RMDN2: variants seen among roughly 807,000 people sequenced by gnomAD.
The protein encoded by RMDN2 is regulator of microtubule dynamics protein 2.
In RMDN2, 61 loss-of-function variants were observed where a neutral mutation model predicts 52.8. The ratio of observed to expected loss-of-function variants is 1.16; its 90% confidence interval spans 0.94 to 1.43. RMDN2 has a LOEUF of 1.43. Ranked by LOEUF, RMDN2 falls within the 40% of genes most tolerant of loss-of-function variation. The pLI is 0.00. For synonymous variants in RMDN2, 180 were observed against 153.1 expected (o/e 1.18, Z -1.30); for missense variants, 592 against 475.3 (o/e 1.25, Z -2.28).
chr2:37,925,815 G>A (rs994686876), intron 1 of RMDN2, among the ~76,000 whole-genome samples: 3 of 152,174 alleles, frequency 2.0e-5, no homozygotes, highest in Non-Finnish European at 4.4e-5. Context: ...TCAGCCTTGC[G>A]CAAACATTTT....
At chr2:37,970,102 T>C (rs532127288) in intron 2 of RMDN2, among the ~76,000 whole-genome samples, 1 of 152,264 alleles carries the variant, frequency 6.6e-6, no homozygotes, top group South Asian at 2.1e-4. Context: ...CCAGCTAATT[T>C]TTTAATTTTT....
At chr2:37,989,188 C>G (rs534871308) in intron 5 of RMDN2, among the ~76,000 whole-genome samples, 4 of 152,024 alleles carry the variant, frequency 2.6e-5, no homozygotes, top group Admixed American at 1.3e-4. Flanking sequence ...TGTGATTAGA[C>G]TTTTTCTGAG....
chr2:37,958,043 T>C (rs1346825738), intron 2 of RMDN2, among the ~76,000 whole-genome samples: 1 of 152,228 alleles, frequency 6.6e-6, no homozygotes, highest in Non-Finnish European at 1.5e-5. Flanking sequence ...TTTTGGTTAC[T>C]GTAGCCTTGT....
At chr2:37,971,275 G>C (rs1289794940) in intron 2 of RMDN2, among the ~76,000 whole-genome samples, 1 of 152,126 alleles carries the variant, frequency 6.6e-6, no homozygotes, top group Admixed American at 6.5e-5. Context: ...GATAGGAAGT[G>C]AGAGTTCCTT....
At chr2:37,994,316 C>A (rs1675217479) in intron 7 of RMDN2, among the ~76,000 whole-genome samples, 1 of 152,190 alleles carries the variant, frequency 6.6e-6, no homozygotes, top group African/African-American at 2.4e-5. Context: ...TTCAGTGCTG[C>A]TTTCTGAAAA....
intron 6 of RMDN2, among the ~76,000 whole-genome samples, chr2:37,990,212 CT>C (rs1674591141): frequency 6.7e-6 from 1 of 150,118 alleles, no homozygotes; most frequent in African/African-American, 2.5e-5. Flanking sequence ...ATGAGTATCA[CT>C]TTTTCAAAGA....
Position 37,929,450 on chromosome 2 carries a change from T to A in RMDN2, c.173T>A (p.Ile58Lys). ...TFNSITLQDE[I>K]HDDQGTTVIF... ...AATTCAATAACTTTGCAAGATGAAA[T>A]ACATGATGACCAAGGAACAACAGTA... Residue 58 changes from isoleucine (I) to lysine (K), a missense_variant, in exon 2 of 11, where the codon ATA becomes AAA. Coordinates refer to ENST00000354545, the MANE Select transcript of RMDN2 (RefSeq NM_001170791.3). 6.4e-7 allele frequency: 1 copy of A among 1,551,676 alleles called. No individual in the cohort carries two copies. Among genetic ancestry groups the A allele is most frequent in the Non-Finnish European group, 8.7e-7 (1 of 1,146,956 alleles).
At chr2:37,994,652 A>G (rs1675264089) in intron 7 of RMDN2, among the ~76,000 whole-genome samples, 1 of 152,214 alleles carries the variant, frequency 6.6e-6, no homozygotes, top group Non-Finnish European at 1.5e-5. Context: ...AAAGACCGCT[A>G]TTTATTCACT....
chr2:37,984,079 C>T (rs927184586), intron 5 of RMDN2, among the ~76,000 whole-genome samples: 1 of 152,104 alleles, frequency 6.6e-6, no homozygotes, highest in African/African-American at 2.4e-5. Flanking sequence ...AAGATGTAAT[C>T]TTTAAGAATA....
At chr2:38,004,287 C>T (rs1472441431) in intron 10 of RMDN2, 71 bp downstream of exon 10, 35 of 961,964 alleles carry the variant, frequency 3.6e-5, no homozygotes, top group Middle Eastern at 2.1e-4. Flanking sequence ...AGGAATAACT[C>T]GCTTAGATAC....
chr2:37,922,626 G>A (rs904754779), upstream of RMDN2, among the ~76,000 whole-genome samples: 1 of 152,200 alleles, frequency 6.6e-6, no homozygotes, highest in East Asian at 1.9e-4. Flanking sequence ...CACAGTCACT[G>A]GCAAGCAGTA....
In RMDN2 at chr2:37,978,029, A is replaced by G. The variant is rs542686660; in HGVS notation, c.730+2715A>G. ...ACGCCACTGCACTCCAGCCTGGGCA[A>G]CATTGAGCACTGAGTGAGTGAGACT... On this transcript the variant is annotated intron_variant, in intron 4 of 10. Coordinates refer to ENST00000354545, the MANE Select transcript of RMDN2 (RefSeq NM_001170791.3). 7.2e-5 allele frequency among the ~76,000 whole-genome samples: 11 copies of G among 152,304 alleles called. No individual in the cohort carries two copies. The South Asian group carries it at 2.1e-3, about 29-fold the overall frequency.
intron 10 of RMDN2, among the ~76,000 whole-genome samples, chr2:38,016,108 CA>C (rs1678739255): frequency 6.6e-6 from 1 of 152,162 alleles, no homozygotes; most frequent in Non-Finnish European, 1.5e-5. Flanking sequence ...CTTCTGTACG[CA>C]AAGGAGAGTA....
intron 8 of RMDN2, among the ~76,000 whole-genome samples, chr2:38,002,619 T>A (rs1676471940): frequency 6.6e-6 from 1 of 152,236 alleles, no homozygotes; most frequent in Non-Finnish European, 1.5e-5. Context: ...ATGGTTCCAT[T>A]TTGTTTTGTT....
chr2:38,007,594 C>G (rs1677298275), intron 10 of RMDN2, among the ~76,000 whole-genome samples: 1 of 152,096 alleles, frequency 6.6e-6, no homozygotes, highest in Non-Finnish European at 1.5e-5. Context: ...ATTCTTCTGT[C>G]TTTTCTTCTT....
intron 10 of RMDN2, among the ~76,000 whole-genome samples, chr2:38,013,031 G>A (rs1288342292): frequency 6.6e-6 from 1 of 152,206 alleles, no homozygotes; most frequent in Non-Finnish European, 1.5e-5. Context: ...ATTCAAAGGT[G>A]TAAGCAGCTT....
At chr2:37,978,395 A>G (rs1447823572) in intron 4 of RMDN2, among the ~76,000 whole-genome samples, 1 of 152,068 alleles carries the variant, frequency 6.6e-6, no homozygotes, top group Non-Finnish European at 1.5e-5. Context: ...CCTGGGTATT[A>G]TGTACTAAGG....
At chr2:37,955,824 A>C (rs938129096) in intron 2 of RMDN2, among the ~76,000 whole-genome samples, 1 of 152,158 alleles carries the variant, frequency 6.6e-6, no homozygotes, top group Non-Finnish European at 1.5e-5. Context: ...TGTCAGCAGC[A>C]TAAAAACAGA....
intron 1 of RMDN2, among the ~76,000 whole-genome samples, chr2:37,926,967 T>G (rs1666332413): frequency 6.6e-6 from 1 of 152,164 alleles, no homozygotes. Context: ...TCATACAACC[T>G]TTGAAATTAT....
Sources: allele counts gnomAD v4.1 joint callset (sites outside exome capture counted in the v4.1 genomes callset), GRCh38; gene constraint gnomAD v4.1.1; transcripts MANE v1.5; gene names NCBI Gene and HGNC (gene_info 2026-07-23, HGNC 2026-07-21).